The following DPP6 variants were observed in gnomAD, a reference collection of about 807,000 sequenced individuals.
DPP6 encodes dipeptidyl peptidase like 6.
A neutral mutation model predicts 122.6 loss-of-function variants in DPP6; 69 were observed. The observed-to-expected ratio is 0.56, with a 90% CI of 0.46 to 0.69. The LOEUF is 0.69. Ranked by LOEUF, DPP6 falls within the 30% of genes least tolerant of loss-of-function variation. The probability of loss-of-function intolerance (pLI) is 0.00; values close to 1 mark genes in which losing one functional copy is unlikely to be tolerated. For missense variants in DPP6, 928 were observed against 1,116.9 expected (o/e 0.83, Z 2.41); for synonymous variants, 418 against 433.1 (o/e 0.97, Z 0.43).
At chr7:154,765,458 T>C (rs1286177111) in intron 8 of DPP6, among the ~76,000 whole-genome samples, 2 of 152,180 alleles carry the variant, frequency 1.3e-5, no homozygotes, top group Non-Finnish European at 2.9e-5. Flanking sequence ...CTGGAAAATG[T>C]GAAGATTCCT....
intron 1 of DPP6, among the ~76,000 whole-genome samples, chr7:153,913,714 A>G (rs1800184997): frequency 6.6e-6 from 1 of 152,092 alleles, no homozygotes; most frequent in African/African-American, 2.4e-5. Context: ...GACCTTAGAA[A>G]CATGTTAAAG....
At position 154,821,309 on chromosome 7, in the gene DPP6, C is replaced by A. The variant is rs186806814; in HGVS notation, c.1666+14197C>A. Among the ~76,000 whole-genome samples the A allele has an allele frequency of 7.2e-5, 11 of 152,108 alleles. No homozygotes were observed. Among genetic ancestry groups the A allele is most frequent in the African/African-American group, 2.7e-4 (11 of 41,492 alleles). ...TTTTTACATTGTTCTGATAGCCTCA[C>A]TTACTCATTTTAAGCTTATTTTATT... is the stretch of plus-strand genomic sequence containing the variant. On this transcript the variant is annotated intron_variant, in intron 16 of 25. Transcript: ENST00000377770. This position sits in a 1 kb window ranked among gnomAD's most constrained non-coding sequence, Gnocchi z 4.2.
chr7:154,651,382 A>G (rs896193755), intron 6 of DPP6, among the ~76,000 whole-genome samples: 24 of 150,564 alleles, frequency 1.6e-4, no homozygotes, highest in Non-Finnish European at 7.4e-5. Flanking sequence ...TAAATCAACT[A>G]TATCTGCAGC....
At chr7:154,091,413 T>C (rs1228469722) in intron 1 of DPP6, among the ~76,000 whole-genome samples, 1 of 152,218 alleles carries the variant, frequency 6.6e-6, no homozygotes, top group Non-Finnish European at 1.5e-5. Flanking sequence ...CATATTTCTA[T>C]TTCCTGGGTT....
At chr7:154,030,178 A>G (rs1015730625) in intron 1 of DPP6, among the ~76,000 whole-genome samples, 4 of 152,230 alleles carry the variant, frequency 2.6e-5, no homozygotes, top group Admixed American at 6.5e-5. Context: ...CCTGAGTGAC[A>G]GAGCAAGACC....
chr7:154,726,900 C>T (rs1478076296), intron 7 of DPP6, among the ~76,000 whole-genome samples: 1 of 152,142 alleles, frequency 6.6e-6, no homozygotes, highest in Non-Finnish European at 1.5e-5. Context: ...CATCTGAGAC[C>T]ATCTCAGCCT....
the DPP6 span, among the ~76,000 whole-genome samples, chr7:153,774,636 C>G: frequency 6.6e-6 from 1 of 152,042 alleles, no homozygotes; most frequent in Admixed American, 6.6e-5. Context: ...ACTTCAGGAA[C>G]AGAGGGTTTT....
intron 1 of DPP6, among the ~76,000 whole-genome samples, chr7:154,016,670 A>G (rs1330371466): frequency 6.6e-6 from 1 of 152,156 alleles, no homozygotes; most frequent in Admixed American, 6.5e-5. Context: ...TCTATTTTGG[A>G]TATATACCCA....
chr7:154,189,655 G>A lies in DPP6; in HGVS notation c.243+136592G>A, dbSNP rs566722587. Among the ~76,000 whole-genome samples, 91 of 152,238 alleles carry A rather than the reference G, an allele frequency of 6.0e-4. 1 individual carries two copies. The highest frequency in any genetic ancestry group is 2.1e-3 in the African/African-American group (87 of 41,538). On this transcript the variant is annotated intron_variant, in intron 1 of 25. Transcript: ENST00000377770. Reference sequence around the variant, plus strand: ...TTAATGGAGTAAATGGTGTCATTGCGTAGATTCTCATTAGCCAGTTCTCCC... The same window carrying A: ...TTAATGGAGTAAATGGTGTCATTGCATAGATTCTCATTAGCCAGTTCTCCC...
At chr7:154,309,542 A>G (rs1806673925) in intron 1 of DPP6, among the ~76,000 whole-genome samples, 1 of 152,200 alleles carries the variant, frequency 6.6e-6, no homozygotes, top group Non-Finnish European at 1.5e-5. Context: ...ATGGCCCAGT[A>G]AGAGAATTTC....
intron 1 of DPP6, among the ~76,000 whole-genome samples, chr7:154,196,909 G>A (rs995578201): frequency 7.9e-5 from 12 of 152,060 alleles, no homozygotes; most frequent in South Asian, 2.1e-4. Flanking sequence ...CCTAATAAGC[G>A]TATGTGTTCC....
At chr7:154,191,306 GTAGAGAACACTTCTTTTGTAGGCAGA>G (rs1585592645) in intron 1 of DPP6, among the ~76,000 whole-genome samples, 1 of 152,226 alleles carries the variant, frequency 6.6e-6, no homozygotes, top group African/African-American at 2.4e-5. Context: ...CATTGAATAT[GTAGAGAACACTTCTTTTGTAGGCAGA>G]TAGACTTATT....
intron 1 of DPP6, among the ~76,000 whole-genome samples, chr7:153,912,239 T>C (rs1296468210): frequency 6.6e-6 from 1 of 152,190 alleles, no homozygotes; most frequent in Non-Finnish European, 1.5e-5. Context: ...TTTAAGGAGC[T>C]TTATTGGATG....
intron 3 of DPP6, among the ~76,000 whole-genome samples, chr7:154,538,779 T>C (rs1828474472): frequency 6.6e-6 from 1 of 152,228 alleles, no homozygotes; most frequent in South Asian, 2.1e-4. Context: ...TCCATGTGAG[T>C]TCTTTTAATG....
chr7:154,289,905 A>C (rs1398875877), intron 1 of DPP6, among the ~76,000 whole-genome samples: 1 of 152,182 alleles, frequency 6.6e-6, no homozygotes, highest in Non-Finnish European at 1.5e-5. Context: ...TGATGAGGCT[A>C]ATCAAACAAG....
chr7:153,761,155 C>T, the DPP6 span, among the ~76,000 whole-genome samples: 1 of 152,118 alleles, frequency 6.6e-6, no homozygotes, highest in African/African-American at 2.4e-5. Context: ...TCCAGTGTCT[C>T]GAAATATGTT....
At chr7:154,123,430 A>G (rs1280789171) in intron 1 of DPP6, among the ~76,000 whole-genome samples, 5 of 152,208 alleles carry the variant, frequency 3.3e-5, no homozygotes, top group Non-Finnish European at 7.3e-5. Context: ...TTAGGGGTAT[A>G]GCTCATTTCT....
intron 1 of DPP6, among the ~76,000 whole-genome samples, chr7:154,269,409 G>A (rs936579022): frequency 6.6e-6 from 1 of 152,158 alleles, no homozygotes; most frequent in African/African-American, 2.4e-5. Flanking sequence ...TGCGATGTCA[G>A]GTACGTAGTC....
intron 16 of DPP6, among the ~76,000 whole-genome samples, chr7:154,817,811 G>A (rs1799516619): frequency 1.1e-4 from 1 of 8,756 alleles, no homozygotes; most frequent in African/African-American, 2.5e-4. Flanking sequence ...TTAATGACAT[G>A]AGCATCATGA....
Sources: allele counts gnomAD v4.1 joint callset (sites outside exome capture counted in the v4.1 genomes callset), GRCh38; gene constraint gnomAD v4.1.1; non-coding constraint Gnocchi (gnomAD v3.1); transcripts MANE v1.5; gene names NCBI Gene and HGNC (gene_info 2026-07-23, HGNC 2026-07-21).